The following GALNT13 variants were observed in gnomAD, a reference collection of about 807,000 sequenced individuals.
The protein encoded by GALNT13 is UDP-GalNAc:polypeptide N-acetylgalactosaminyltransferase 13.
A neutral mutation model predicts 64.2 loss-of-function variants in GALNT13; 28 were observed. The ratio of observed to expected loss-of-function variants is 0.44; its 90% CI spans 0.32 to 0.60. GALNT13 has a LOEUF of 0.60. Among genes scored for constraint, GALNT13 ranks in the 20% least tolerant of loss-of-function variants. GALNT13 has a pLI of 0.05. For missense variants in GALNT13, 577 were observed against 669.8 expected, an observed-to-expected ratio of 0.86 and a Z score of 1.53; for synonymous variants, 214 against 224.6, an observed-to-expected ratio of 0.95 and a Z score of 0.42.
the GALNT13 span, among the ~76,000 whole-genome samples, chr2:153,375,997 C>A: frequency 6.6e-6 from 1 of 151,972 alleles, no homozygotes; most frequent in East Asian, 1.9e-4. Context: ...CTTTTTACAA[C>A]CAGCTGTCAT....
intron 3 of GALNT13, among the ~76,000 whole-genome samples, chr2:153,984,571 A>AT (rs1372837168): frequency 6.6e-6 from 1 of 151,660 alleles, no homozygotes; most frequent in Non-Finnish European, 1.5e-5. Flanking sequence ...CCATTTGGTT[A>AT]TTTTTTCCTT....
intron 2 of GALNT13, among the ~76,000 whole-genome samples, chr2:153,922,842 A>G (rs1689848710): frequency 6.6e-6 from 1 of 152,074 alleles, no homozygotes; most frequent in South Asian, 2.1e-4. Flanking sequence ...TAATAATTAT[A>G]TTAAAGTAAT....
chr2:153,603,761 TTC>T, the GALNT13 span, among the ~76,000 whole-genome samples: 1 of 152,006 alleles, frequency 6.6e-6, no homozygotes, highest in Non-Finnish European at 1.5e-5. Flanking sequence ...ACATTAGATT[TTC>T]TTGATGATGT....
chr2:153,899,650 T>G (rs952015342), intron 1 of GALNT13, among the ~76,000 whole-genome samples: 2 of 152,032 alleles, frequency 1.3e-5, no homozygotes, highest in African/African-American at 4.8e-5. Context: ...GATTTTATAT[T>G]CAAAATGCTT....
chr2:154,015,828 C>T (rs188877235), intron 3 of GALNT13, among the ~76,000 whole-genome samples: 214 of 152,256 alleles, frequency 1.4e-3, no homozygotes, highest in African/African-American at 5.0e-3. Context: ...AAAAGAAAAT[C>T]TACGTTCTTT....
chr2:153,111,852 G>A, the GALNT13 span, among the ~76,000 whole-genome samples: 5 of 152,074 alleles, frequency 3.3e-5, no homozygotes, highest in Non-Finnish European at 2.9e-5. Flanking sequence ...CTACTCAAAC[G>A]TAAATGCTGC....
intron 9 of GALNT13, among the ~76,000 whole-genome samples, chr2:154,388,696 T>A (rs1027861859): frequency 6.6e-6 from 1 of 151,958 alleles, no homozygotes; most frequent in Non-Finnish European, 1.5e-5. Flanking sequence ...AATGGCTTAT[T>A]ATTATATTAT....
the GALNT13 span, among the ~76,000 whole-genome samples, chr2:153,313,960 C>A: frequency 6.6e-6 from 1 of 152,062 alleles, no homozygotes; most frequent in East Asian, 1.9e-4. Context: ...CAGTTATACC[C>A]TTTTCTGTGT....
chr2:154,103,512 A>G (rs1367314080), intron 3 of GALNT13, among the ~76,000 whole-genome samples: 1 of 152,180 alleles, frequency 6.6e-6, no homozygotes, highest in African/African-American at 2.4e-5. Context: ...CCATTGATAT[A>G]CAGCTTGCAT....
chr2:154,318,463 C>T (rs564761621), intron 9 of GALNT13, among the ~76,000 whole-genome samples: 5 of 152,220 alleles, frequency 3.3e-5, no homozygotes, highest in South Asian at 2.1e-4. Flanking sequence ...CAGTGGTTCA[C>T]GCCTGTAATC....
chr2:154,098,704 C>CT (rs1189333720), intron 3 of GALNT13, among the ~76,000 whole-genome samples: 2 of 152,006 alleles, frequency 1.3e-5, no homozygotes, highest in African/African-American at 4.8e-5. Flanking sequence ...AGATATTCCA[C>CT]TTAGGATAAT....
intron 10 of GALNT13, among the ~76,000 whole-genome samples, chr2:154,397,214 T>C (rs1439677065): frequency 6.6e-6 from 1 of 151,600 alleles, no homozygotes; most frequent in East Asian, 2.0e-4. Flanking sequence ...GGCAGGCGGA[T>C]CATGAGGCCA....
chr2:153,308,315 G>T, the GALNT13 span, among the ~76,000 whole-genome samples: 119,969 of 152,086 alleles, frequency 0.79, 48,315 homozygotes, highest in Non-Finnish European at 0.86. Context: ...ACCTGACCTT[G>T]TCCATTTGAC....
chr2:153,515,638 A>C, the GALNT13 span, among the ~76,000 whole-genome samples: 3 of 152,156 alleles, frequency 2.0e-5, no homozygotes, highest in Non-Finnish European at 4.4e-5. Context: ...AATAAATTTA[A>C]TAGCTAGACG....
At chr2:153,749,501 C>T in the GALNT13 span, among the ~76,000 whole-genome samples, 1 of 151,966 alleles carries the variant, frequency 6.6e-6, no homozygotes, top group Non-Finnish European at 1.5e-5. Flanking sequence ...TTGCTATCCT[C>T]TTCAATTTCT....
chr2:154,233,406 T>A (rs1482208372), intron 4 of GALNT13, among the ~76,000 whole-genome samples: 2 of 152,182 alleles, frequency 1.3e-5, no homozygotes, highest in African/African-American at 4.8e-5. Flanking sequence ...AATAGTCCTA[T>A]GAAGCAGGCT....
intron 9 of GALNT13, among the ~76,000 whole-genome samples, chr2:154,359,144 C>G (rs1371651576): frequency 6.6e-6 from 1 of 151,876 alleles, no homozygotes; most frequent in Non-Finnish European, 1.5e-5. Flanking sequence ...CTTCCCCTGC[C>G]CTTCACAGTG....
the GALNT13 span, among the ~76,000 whole-genome samples, chr2:153,296,359 T>G: frequency 6.6e-6 from 1 of 152,198 alleles, no homozygotes. Flanking sequence ...AGAAAATACT[T>G]CTGATAATTG....
the GALNT13 span, among the ~76,000 whole-genome samples, chr2:153,252,511 A>G: frequency 6.7e-6 from 1 of 150,258 alleles, no homozygotes; most frequent in Non-Finnish European, 1.5e-5. Context: ...TTTTGTTGCC[A>G]TTGCTTTTGG....
Sources: gnomAD v4.1 joint callset for allele counts (sites outside exome capture counted in the v4.1 genomes callset) on GRCh38, gnomAD v4.1.1 for gene constraint, MANE v1.5 for transcripts, NCBI Gene and HGNC (gene_info 2026-07-23, HGNC 2026-07-21) for gene names.